The following ATG16L2 variants were observed in gnomAD, a reference collection of about 807,000 sequenced individuals.
ATG16L2 encodes autophagy related 16 like 2, also known as protein Atg16l2.
In ATG16L2, 77 loss-of-function variants were observed where a neutral mutation model predicts 84.7. The ratio of observed to expected loss-of-function variants is 0.91; its 90% confidence interval spans 0.76 to 1.10. ATG16L2 has a LOEUF of 1.10. Ranked by LOEUF, ATG16L2 falls within the 50% of genes least tolerant of loss-of-function variation. The pLI is 0.00. For synonymous variants in ATG16L2, 361 were observed against 342.8 expected, an observed-to-expected ratio of 1.05 and a Z score of -0.59; for missense variants, 782 against 817.6, an observed-to-expected ratio of 0.96 and a Z score of 0.53.
chr11:72,835,243 G>A (rs1269325574), intron 5 of ATG16L2, among the ~76,000 whole-genome samples: 3 of 152,234 alleles, frequency 2.0e-5, no homozygotes, highest in Non-Finnish European at 4.4e-5. Context: ...TGTCCTGACA[G>A]CCCTTCCCAC....
At chr11:72,821,258 G>C in intron 3 of ATG16L2, 5 of 1,017,268 alleles carry the variant, frequency 4.9e-6, no homozygotes, top group Admixed American at 5.5e-5. Flanking sequence ...GTAGCCTGCT[G>C]GGAACATCAT....
At chr11:72,815,516 C>A (rs1222438704) in intron 1 of ATG16L2, among the ~76,000 whole-genome samples, 2 of 152,092 alleles carry the variant, frequency 1.3e-5, no homozygotes, top group Admixed American at 1.3e-4. Context: ...CCCCTGCCCC[C>A]CGCCCCGACC....
chr11:72,841,549 G>A (rs141914231), intron 5 of ATG16L2: 30 of 1,610,754 alleles, frequency 1.9e-5, no homozygotes, highest in Non-Finnish European at 2.5e-5. Context: ...CGGCAGTGGA[G>A]GCAGGGAGGC....
At chr11:72,818,332 C>T (rs538119067) in intron 3 of ATG16L2, 6 of 157,030 alleles carry the variant, frequency 3.8e-5, no homozygotes, top group African/African-American at 1.2e-4. Flanking sequence ...CTCCTGGTTT[C>T]CCTCTCATTT....
downstream of ATG16L2, among the ~76,000 whole-genome samples, chr11:72,832,700 CTG>C (rs1328271837): frequency 1.3e-5 from 2 of 152,250 alleles, no homozygotes; most frequent in Non-Finnish European, 2.9e-5. Flanking sequence ...GGTATAAAAA[CTG>C]AGACCCAGAG....
chr11:72,827,411 C>A (rs913852959), intron 14 of ATG16L2, 118 bp downstream of exon 14: 12 of 810,136 alleles, frequency 1.5e-5, no homozygotes, highest in Non-Finnish European at 2.2e-5. Flanking sequence ...GCAGGCAAGG[C>A]TGTGGGGCTG....
rs1416927182 is a variant in ATG16L2, at chr11:72,822,514, G to A, written c.681G>A (p.Lys227=). The change falls in exon 6 of 18, where the codon AAG becomes AAA. Residue 227 remains lysine (K), a synonymous_variant. Coordinates refer to ENST00000321297, the MANE Select transcript of ATG16L2 (RefSeq NM_033388.2). This position sits in a 1 kb window ranked among gnomAD's most constrained non-coding sequence, Gnocchi z 4.2. ...CGCGGGTGTCCCAGGAGCTGAAGAA[G>A]GCTGCCAAGCGGACCGTGAGCATCA... The part of the protein sequence containing the change: ...KQARVSQELK[K]AAKRTVSISE... 2 of 1,613,116 alleles carry A rather than the reference G, an allele frequency of 1.2e-6. No homozygotes were observed. Among genetic ancestry groups the A allele is most frequent in the Admixed American group, 1.7e-5 (1 of 59,832 alleles).
Position 72,822,664 on chromosome 11 carries a change from G to A in ATG16L2, c.710+121G>A, listed in dbSNP as rs1438896331. 21 of 1,361,128 alleles carry A rather than the reference G, an allele frequency of 1.5e-5. No homozygotes were observed. The South Asian group carries it at 2.2e-4, about 14-fold the overall frequency. 84.3% of individuals were successfully genotyped at this position (1,361,128 alleles called of 1,614,324 possible). On this transcript the variant is annotated intron_variant, in intron 6 of 17. Transcript: ENST00000321297. The surrounding 1 kb of genome is among the most constrained non-coding windows in gnomAD (Gnocchi z 4.2). ...CCCGTCCTGAGGCCCCCATGTGGTC[G>A]GAGCCCACGAGACACCTGCAGAGGA...
chr11:72,825,307 C>T lies in ATG16L2; in HGVS notation c.1002C>T (p.Ala334=). 6.2e-7 allele frequency: 1 copy of T among 1,613,314 alleles called. No homozygotes were observed. The change falls in exon 10 of 18, where the codon GCC becomes GCT. Residue 334 remains alanine (A), a synonymous_variant. Coordinates refer to ENST00000321297, the MANE Select transcript of ATG16L2 (RefSeq NM_033388.2). ...LPTRAQDVLD[A]HLSEVNAVRF... ...AACCTCCCCTTTCCCCACAGGATGCCCACCTCTCTGAGGTCAATGCTGTTC... is the reference window on the plus strand; with the variant it reads ...AACCTCCCCTTTCCCCACAGGATGCTCACCTCTCTGAGGTCAATGCTGTTC...
chr11:72,841,333 C>G, intron 5 of ATG16L2: 1 of 957,542 alleles, frequency 1.0e-6, no homozygotes, highest in Non-Finnish European at 1.4e-6. Context: ...GACAGAGACT[C>G]TGTCTCCAAA....
At position 72,827,068 on chromosome 11, in the gene ATG16L2, G is replaced by A. The variant is rs746210320; in HGVS notation, c.1367-120G>A. ...GTGAGCCCTGTGCTGGGAAGCGGAAGACCTGGGTTCTAGTCTTGGGAGGAC... is the reference window on the plus strand; with the variant it reads ...GTGAGCCCTGTGCTGGGAAGCGGAAAACCTGGGTTCTAGTCTTGGGAGGAC... On this transcript the variant is annotated intron_variant, in intron 13 of 17. Coordinates refer to ENST00000321297, the MANE Select transcript of ATG16L2 (RefSeq NM_033388.2). 30 of 880,584 alleles carry A rather than the reference G, an allele frequency of 3.4e-5. No homozygotes were observed. The African/African-American group carries it at 4.9e-4, about 14-fold the overall frequency. The allele number at this position is 880,584 out of a possible 1,614,324, so 54.5% of individuals were successfully genotyped here. A position where few individuals can be genotyped will look rare whatever the true frequency, so the allele number is the denominator to read the frequency against.
Position 72,816,806 on chromosome 11 carries a change from C to T in ATG16L2, c.197C>T (p.Pro66Leu). 1.2e-6 allele frequency: 2 copies of T among 1,614,226 alleles called. No individual in the cohort carries two copies. The highest frequency in any genetic ancestry group is 1.3e-5 in the African/African-American group (1 of 75,068). Reference sequence around the variant, plus strand: ...CAGCCGGAGCCAAACAGTGTCACTCCCACCACCCACCAGGGCCCCTGGTAA... The same window carrying T: ...CAGCCGGAGCCAAACAGTGTCACTCTCACCACCCACCAGGGCCCCTGGTAA... The part of the protein sequence containing the change: ...KLQPEPNSVT[P>L]TTHQGPWEES... Residue 66 changes from proline to leucine, a missense_variant, in exon 2 of 18, where the codon CCC (proline) becomes CTC (leucine). Transcript: ENST00000321297.
chr11:72,841,710 TCA>T, intron 5 of ATG16L2: 1 of 971,830 alleles, frequency 1.0e-6, no homozygotes, highest in Non-Finnish European at 1.5e-6. Flanking sequence ...CTTGTCAACC[TCA>T]TTAGAGGCAA....
rs1336925477 is a variant in ATG16L2 at position 72,825,384 on chromosome 11, T to A, written c.1079T>A (p.Ile360Asn). Residue 360 changes from isoleucine to asparagine, a missense_variant, in exon 10 of 18, where the codon ATC (isoleucine) becomes AAC (asparagine). Transcript: ENST00000321297. ...LLATGGADRLIHLWNVVGSRL... is the reference protein window; with the variant it reads ...LLATGGADRLNHLWNVVGSRL... Reference sequence around the variant, plus strand: ...GCCACTGGAGGGGCTGACCGCCTGATCCACCTCTGGAATGTTGTGGGAAGT... The same window carrying A: ...GCCACTGGAGGGGCTGACCGCCTGAACCACCTCTGGAATGTTGTGGGAAGT... 6.2e-7 allele frequency: 1 copy of A among 1,612,648 alleles called. No individual in the cohort carries two copies. Among genetic ancestry groups the A allele is most frequent in the Non-Finnish European group, 8.5e-7 (1 of 1,179,988 alleles).
intron 1 of ATG16L2, among the ~76,000 whole-genome samples, chr11:72,815,585 G>A (rs954877227): frequency 1.4e-4 from 21 of 152,024 alleles, no homozygotes; most frequent in Non-Finnish European, 2.8e-4. Flanking sequence ...CAGACTGAAG[G>A]GCCAGTCTTG....
chr11:72,832,373 TC>T (rs1860624747), downstream of ATG16L2, among the ~76,000 whole-genome samples: 1 of 152,086 alleles, frequency 6.6e-6, no homozygotes, highest in African/African-American at 2.4e-5. Flanking sequence ...GAGGTCCCCC[TC>T]CCAGTAGGAG....
intron 5 of ATG16L2, chr11:72,838,498 CAT>C: frequency 2.2e-6 from 1 of 449,238 alleles, no homozygotes; most frequent in Non-Finnish European, 4.1e-6. Flanking sequence ...TCTTGAGTCT[CAT>C]ATAAAAACAG....
At chr11:72,837,145 A>C (rs1860752363) in intron 5 of ATG16L2, 1 of 152,252 alleles carries the variant, frequency 6.6e-6, no homozygotes, top group South Asian at 2.1e-4. Context: ...TAAAAAAACC[A>C]CCCTTTTAAT....
chr11:72,818,738 C>T (rs984151856), intron 3 of ATG16L2: 1 of 152,216 alleles, frequency 6.6e-6, no homozygotes, highest in African/African-American at 2.4e-5. Flanking sequence ...CATTCATTCT[C>T]TCAACATCTG....
Sources: allele counts gnomAD v4.1 joint callset (sites outside exome capture counted in the v4.1 genomes callset), GRCh38; gene constraint gnomAD v4.1.1; non-coding constraint Gnocchi (gnomAD v3.1); transcripts MANE v1.5; gene names NCBI Gene and HGNC (gene_info 2026-07-23, HGNC 2026-07-21).